The following ZNF280D variants were observed in gnomAD, a reference collection of about 807,000 sequenced individuals.
The protein encoded by ZNF280D is suppressor of hairy wing homolog 4.
In ZNF280D, 39 loss-of-function variants were observed where a neutral mutation model predicts 94.7. That is an observed-to-expected ratio of 0.41 (90% CI 0.32 to 0.54). The LOEUF is 0.54. Among genes scored for constraint, ZNF280D ranks in the 20% least tolerant of loss-of-function variants. The probability of loss-of-function intolerance (pLI) is 0.22; values close to 1 mark genes in which losing one functional copy is unlikely to be tolerated. For synonymous variants in ZNF280D, 398 were observed against 377.6 expected, an observed-to-expected ratio of 1.05 and a Z score of -0.63; for missense variants, 1,090 against 1,149.3, an observed-to-expected ratio of 0.95 and a Z score of 0.75.
intron 1 of ZNF280D, among the ~76,000 whole-genome samples, chr15:56,717,078 C>T (rs1165820374): frequency 6.6e-6 from 1 of 152,140 alleles, no homozygotes; most frequent in African/African-American, 2.4e-5. Flanking sequence ...AAATTACATG[C>T]CCTTCCCTAA....
At chr15:56,677,004 T>C (rs1338974218) in intron 12 of ZNF280D, among the ~76,000 whole-genome samples, 188 bp from the exon 13 acceptor site, 1 of 152,180 alleles carries the variant, frequency 6.6e-6, no homozygotes, top group Non-Finnish European at 1.5e-5. Flanking sequence ...AACGTAGCTT[T>C]CAAAGTTAAG....
At position 56,634,489 on chromosome 15, in the gene ZNF280D, T is replaced by C. The variant is rs567166419; in HGVS notation, c.2315+706A>G. Among the ~76,000 whole-genome samples, 20 of 152,250 alleles carry C rather than the reference T, an allele frequency of 1.3e-4. No individual in the cohort carries two copies. The South Asian group carries it at 1.9e-3, about 14-fold the overall frequency. ...AAGAAAGGGCGAGATAACTTTACTA[T>C]TGAAGTATAAGAAACACCTTCATAG... On this transcript the variant is annotated intron_variant, in intron 21 of 21. Coordinates refer to ENST00000267807, the MANE Select transcript of ZNF280D (RefSeq NM_017661.4).
Position 56,676,736 on chromosome 15 carries a change from T to A in ZNF280D, c.1344A>T (p.Leu448=), listed in dbSNP as rs750502873. 1.3e-5 allele frequency: 21 copies of A among 1,612,360 alleles called. No homozygotes were observed. The Admixed American group carries it at 3.0e-4, about 23-fold the overall frequency. The change falls in exon 13 of 22, where the codon CTA becomes CTT. Residue 448 remains leucine (L), a synonymous_variant. Coordinates refer to ENST00000267807, the MANE Select transcript of ZNF280D (RefSeq NM_017661.4). The stretch of plus-strand genomic sequence containing the variant: ...TAATAACTTTGAGGCAAAACGGGCA[T>A]AGCAAGTTCTTAGTGTTTTCATGGG... The part of the protein sequence containing the change: ...RTSHENTKNL[L]CPFCLKVIKI...
At chr15:56,676,220 T>C (rs1386300323) in intron 13 of ZNF280D, among the ~76,000 whole-genome samples, 1 of 152,112 alleles carries the variant, frequency 6.6e-6, no homozygotes, top group Non-Finnish European at 1.5e-5. Context: ...CTTCTCATAA[T>C]GATAAGGGGT....
chr15:56,662,606 A>T (rs2054017121), intron 16 of ZNF280D, among the ~76,000 whole-genome samples: 1 of 151,956 alleles, frequency 6.6e-6, no homozygotes, highest in African/African-American at 2.4e-5. Flanking sequence ...GGGTGGATCA[A>T]CTGAGGTCAG....
intron 6 of ZNF280D, among the ~76,000 whole-genome samples, chr15:56,696,342 T>C (rs543522060): frequency 2.0e-5 from 3 of 152,224 alleles, no homozygotes; most frequent in Admixed American, 2.0e-4. Flanking sequence ...CTCTTCATGG[T>C]ACACGTATCA....
At chr15:56,701,356 C>A in intron 4 of ZNF280D, 118 bp from the exon 5 acceptor site, 1 of 666,552 alleles carries the variant, frequency 1.5e-6, no homozygotes. Context: ...TATAACTAAT[C>A]ACTGATTTAA....
At chr15:56,733,364 C>A in intron 1 of ZNF280D, 94 bp downstream of exon 1, 1 of 752,126 alleles carries the variant, frequency 1.3e-6, no homozygotes, top group Non-Finnish European at 1.6e-6. Flanking sequence ...TCAAGACCCC[C>A]AGTCCAGCGC....
chr15:56,704,590 CCACT>C (rs1567011601), intron 3 of ZNF280D, among the ~76,000 whole-genome samples: 1 of 152,036 alleles, frequency 6.6e-6, no homozygotes, highest in African/African-American at 2.4e-5. Context: ...AGGATTATAC[CCACT>C]GTCTTTTTAA....
At chr15:56,699,459 T>C (rs1399172848) in intron 6 of ZNF280D, 2 of 832,266 alleles carry the variant, frequency 2.4e-6, no homozygotes, top group African/African-American at 3.7e-5. Flanking sequence ...GTTTTAGATA[T>C]TAATCTATAC....
At chr15:56,659,653 T>G (rs1360895516) in intron 16 of ZNF280D, among the ~76,000 whole-genome samples, 1 of 151,994 alleles carries the variant, frequency 6.6e-6, no homozygotes, top group African/African-American at 2.4e-5. Context: ...TTGGAATATA[T>G]ACCCCAGCAG....
intron 9 of ZNF280D, among the ~76,000 whole-genome samples, chr15:56,684,956 G>C (rs755539438): frequency 2.0e-5 from 3 of 152,104 alleles, no homozygotes; most frequent in African/African-American, 7.2e-5. Context: ...AAAACATAAA[G>C]AATGTAGACA....
At chr15:56,730,201 A>C (rs2058820812) in intron 1 of ZNF280D, 1 of 152,196 alleles carries the variant, frequency 6.6e-6, no homozygotes, top group Admixed American at 6.5e-5. Context: ...ACAATTTTTG[A>C]TATAAGGCAC....
intron 1 of ZNF280D, among the ~76,000 whole-genome samples, chr15:56,717,310 C>G (rs2141359046): frequency 6.6e-6 from 1 of 152,076 alleles, no homozygotes; most frequent in Admixed American, 6.5e-5. Flanking sequence ...TTGTCTAGGT[C>G]AAGTTGAAAG....
chr15:56,713,572 G>A (rs1596630552), intron 1 of ZNF280D, among the ~76,000 whole-genome samples: 1 of 152,152 alleles, frequency 6.6e-6, no homozygotes, highest in African/African-American at 2.4e-5. Flanking sequence ...CTGAAATGGA[G>A]GACTATCATT....
At chr15:56,642,206 T>A (rs1228291569) in intron 20 of ZNF280D, among the ~76,000 whole-genome samples, 1 of 151,782 alleles carries the variant, frequency 6.6e-6, no homozygotes, top group Non-Finnish European at 1.5e-5. Context: ...GTTAAAGAAA[T>A]TTGTAGTTGA....
intron 1 of ZNF280D, 50 bp downstream of exon 1, chr15:56,733,408 G>A (rs1031626942): frequency 2.0e-6 from 2 of 979,854 alleles, no homozygotes; most frequent in Non-Finnish European, 1.2e-6. Flanking sequence ...CGCGCGGGAG[G>A]GCCTCTGCCT....
At position 56,676,762 on chromosome 15, in the gene ZNF280D, A is replaced by C; in HGVS notation, c.1318T>G (p.Ser440Ala). The C allele has an allele frequency of 6.2e-7, 1 of 1,609,094 alleles. No homozygotes were observed. The highest frequency in any genetic ancestry group is 1.1e-5 in the South Asian group (1 of 90,034). ...AGCAAGTTCTTAGTGTTTTCATGGG[A>C]TGTTCTAAAATGAGTTTCTACATCA... is the stretch of plus-strand genomic sequence containing the variant. ...FSDVETHFRT[S>A]HENTKNLLCP... Residue 440 changes from serine to alanine, a missense_variant, in exon 13 of 22, where the codon TCC becomes GCC. Around this residue, in one of 3 missense-constraint regions of ZNF280D, gnomAD observed 127 missense variants for 208.6 expected, o/e 0.61. Transcript: ENST00000267807.
intron 19 of ZNF280D, among the ~76,000 whole-genome samples, chr15:56,646,102 C>A (rs1191209670): frequency 4.6e-5 from 7 of 152,086 alleles, no homozygotes; most frequent in African/African-American, 1.7e-4. Flanking sequence ...TGTAAAGCAA[C>A]CAGTAGTAAA....
Sources: allele counts gnomAD v4.1 joint callset (sites outside exome capture counted in the v4.1 genomes callset), GRCh38; gene constraint gnomAD v4.1.1; regional missense constraint gnomAD v4.1.1; transcripts MANE v1.5; gene names NCBI Gene and HGNC (gene_info 2026-07-23, HGNC 2026-07-21).